PATZ1: variants seen among roughly 807,000 people sequenced by gnomAD.
PATZ1 encodes the protein POZ-, AT hook-, and zinc finger-containing protein 1.
PATZ1 carries 9 observed loss-of-function variants against 46.2 expected under a neutral mutation model. That is an observed-to-expected ratio of 0.19 (90% confidence interval 0.12 to 0.34). PATZ1 has a LOEUF of 0.34. Ranked by LOEUF, PATZ1 falls within the 10% of genes least tolerant of loss-of-function variation. PATZ1 has a pLI of 1.00. For missense variants in PATZ1, 632 were observed against 923.0 expected (o/e 0.68, Z 4.08); for synonymous variants, 426 against 378.6 (o/e 1.13, Z -1.45).
intron 2 of PATZ1, among the ~76,000 whole-genome samples, chr22:31,338,936 C>G (rs2049546311): frequency 6.6e-6 from 1 of 152,136 alleles, no homozygotes; most frequent in Admixed American, 6.5e-5. Context: ...GTAGTCCCAG[C>G]TACTCGGGGG....
chr22:31,332,214 G>A (rs1298362530), intron 3 of PATZ1, among the ~76,000 whole-genome samples: 2 of 152,192 alleles, frequency 1.3e-5, no homozygotes, highest in African/African-American at 2.4e-5. Context: ...ATGGCGGGGT[G>A]GTAGGAGTGG....
In PATZ1 at chr22:31,345,817, C is replaced by T. The variant is rs573648080; in HGVS notation, c.-215G>A. 1.4e-4 allele frequency: 66 copies of T among 462,826 alleles called. No individual in the cohort carries two copies. The highest frequency in any genetic ancestry group is 1.2e-3 in the African/African-American group (58 of 49,204). The allele number at this position is 462,826 out of a possible 1,614,324, so 28.7% of individuals were successfully genotyped here. On this transcript the variant is annotated 5_prime_UTR_variant, in exon 1 of 5. Coordinates refer to ENST00000266269, the MANE Select transcript of PATZ1 (RefSeq NM_014323.3). The surrounding 1 kb of genome is among the most constrained non-coding windows in gnomAD (Gnocchi z 7.4). ...TGCACCACCCCCCACATAGCCAACCCCCGCCCTCGCTGGACTGCGCGCCAC... is the reference window on the plus strand; with the variant it reads ...TGCACCACCCCCCACATAGCCAACCTCCGCCCTCGCTGGACTGCGCGCCAC...
chr22:31,341,525 T>C, intron 2 of PATZ1: 1 of 1,613,928 alleles, frequency 6.2e-7, no homozygotes, highest in Non-Finnish European at 8.5e-7. Context: ...GGCCCAGGTT[T>C]TCAAGGGCTG....
At position 31,345,544 on chromosome 22, in the gene PATZ1, C is replaced by A; in HGVS notation, c.59G>T (p.Ser20Ile). The part of the protein sequence containing the change: ...GPSGCYTYQV[S>I]RHSTEMLHNL... ...GTGCAGCATCTCCGTGCTGTGTCTG[C>A]TCACCTGGTATGTGTAGCAGCCAGA... Residue 20 changes from serine (S) to isoleucine (I), a missense_variant, in exon 1 of 5, where the codon AGC (serine) becomes ATC (isoleucine). Ser to Ile is a moderately radical substitution (Grantham distance 142, BLOSUM62 -2). Transcript: ENST00000266269. The surrounding 1 kb of genome is among the most constrained non-coding windows in gnomAD (Gnocchi z 7.4). The A allele has an allele frequency of 6.2e-7, 1 of 1,612,956 alleles. No individual in the cohort carries two copies. The highest frequency in any genetic ancestry group is 8.5e-7 in the Non-Finnish European group (1 of 1,179,658).
Position 31,345,047 on chromosome 22 carries a change from G to A in PATZ1, c.556C>T (p.Pro186Ser), listed in dbSNP as rs766857189. The part of the protein sequence containing the change: ...RPPGTSDLGF[P>S]LDMTNGAALA... ...GCTGCCCCGTTGGTCATGTCCAAAG[G>A]GAAGCCCAAGTCCGAGGTCCCAGGG... The change falls in exon 1 of 5, where the codon CCT becomes TCT. Residue 186 changes from proline to serine, a missense_variant. Coordinates refer to ENST00000266269, the MANE Select transcript of PATZ1 (RefSeq NM_014323.3). This position sits in a 1 kb window ranked among gnomAD's most constrained non-coding sequence, Gnocchi z 7.4. 8.7e-6 allele frequency: 14 copies of A among 1,614,040 alleles called. No individual in the cohort carries two copies. Among genetic ancestry groups the A allele is most frequent in the African/African-American group, 2.7e-5 (2 of 74,942 alleles).
At chr22:31,340,896 C>T (rs1296055500) in intron 2 of PATZ1, 2 of 1,065,288 alleles carry the variant, frequency 1.9e-6, no homozygotes, top group Middle Eastern at 4.2e-4. Context: ...ACTTCACTAG[C>T]CAGAAATGAA....
chr22:31,327,367 C>A lies in PATZ1; in HGVS notation c.1646-58G>T. On this transcript the variant is annotated intron_variant, in intron 4 of 4. Coordinates refer to ENST00000266269, the MANE Select transcript of PATZ1 (RefSeq NM_014323.3). This position sits in a 1 kb window ranked among gnomAD's most constrained non-coding sequence, Gnocchi z 4.2. ...GGCCAGGCTCTGGAGATGCCCCCTC[C>A]TGGAGGGGTCATGAGGGGCCAGCTC... is the stretch of plus-strand genomic sequence containing the variant. 6.9e-7 allele frequency: 1 copy of A among 1,455,174 alleles called. No homozygotes were observed. Among genetic ancestry groups the A allele is most frequent in the Non-Finnish European group, 9.4e-7 (1 of 1,062,306 alleles). 90.1% of individuals were successfully genotyped at this position (1,455,174 alleles called of 1,614,324 possible).
At chr22:31,334,537 T>C (rs2049484482) in intron 3 of PATZ1, among the ~76,000 whole-genome samples, 1 of 152,138 alleles carries the variant, frequency 6.6e-6, no homozygotes, top group African/African-American at 2.4e-5. Flanking sequence ...AGGAGTGTTG[T>C]GCCTGGTCCA....
intron 3 of PATZ1, among the ~76,000 whole-genome samples, chr22:31,332,748 C>T (rs1274873357): frequency 2.0e-5 from 3 of 152,238 alleles, no homozygotes; most frequent in East Asian, 1.9e-4. Context: ...GTGTGCTTAC[C>T]TCTGACTGGG....
intron 3 of PATZ1, among the ~76,000 whole-genome samples, chr22:31,332,693 G>C (rs1456849455): frequency 6.6e-6 from 1 of 152,240 alleles, no homozygotes; most frequent in Non-Finnish European, 1.5e-5. Flanking sequence ...TACATAGCTT[G>C]ATGTGAGTCC....
At chr22:31,342,449 T>C (rs1297658498) in intron 2 of PATZ1, among the ~76,000 whole-genome samples, 2 of 152,024 alleles carry the variant, frequency 1.3e-5, no homozygotes, top group Non-Finnish European at 2.9e-5. Context: ...GGAGGAGCTC[T>C]AACTGAGGTC....
intron 2 of PATZ1, among the ~76,000 whole-genome samples, chr22:31,338,369 G>A (rs2049538457): frequency 6.6e-6 from 1 of 152,232 alleles, no homozygotes; most frequent in Non-Finnish European, 1.5e-5. Context: ...ATAACACAGT[G>A]TACAGTACTT....
At position 31,345,594 on chromosome 22, in the gene PATZ1, C is replaced by G; in HGVS notation, c.9G>C (p.Arg3=). The G allele has an allele frequency of 3.8e-6, 6 of 1,591,498 alleles. No homozygotes were observed. In the South Asian group the frequency reaches 6.7e-5, roughly 18 times the overall value. Residue 3 remains arginine, a synonymous_variant, in exon 1 of 5, where the codon CGG becomes CGC. Transcript: ENST00000266269. The surrounding 1 kb of genome is among the most constrained non-coding windows in gnomAD (Gnocchi z 7.4). ME[R]VNDASCGPSG... is the part of the protein sequence containing the mutation. The stretch of plus-strand genomic sequence containing the variant: ...ACGGGCCGCACGAAGCGTCGTTCAC[C>G]CGCTCCATGGCCGCCGCCCCCTCCC...
chr22:31,328,725 C>T lies in PATZ1; in HGVS notation c.1645+62G>A. 3.2e-6 allele frequency: 5 copies of T among 1,541,780 alleles called. No individual in the cohort carries two copies. The highest frequency in any genetic ancestry group is 4.5e-6 in the Non-Finnish European group (5 of 1,117,202). Reference sequence around the variant, plus strand: ...AGCCTTCCCGCCTCCCCACGCCCAGCCCAGCGCCCCCACAACACAGTCTGC... The same window carrying T: ...AGCCTTCCCGCCTCCCCACGCCCAGTCCAGCGCCCCCACAACACAGTCTGC... On this transcript the variant is annotated intron_variant, in intron 4 of 4. Transcript: ENST00000266269. This position sits in a 1 kb window ranked among gnomAD's most constrained non-coding sequence, Gnocchi z 4.8.
rs1258274127 is a variant in PATZ1, at chr22:31,328,834, AGGATGG to A, written c.1592_1597del (p.Pro531_Ile532del). The A allele has an allele frequency of 6.2e-6, 10 of 1,613,666 alleles. No homozygotes were observed. The South Asian group carries it at 1.1e-4, about 18-fold the overall frequency. On this transcript the variant is annotated inframe_deletion, in exon 4 of 5. Coordinates refer to ENST00000266269, the MANE Select transcript of PATZ1 (RefSeq NM_014323.3). The surrounding 1 kb of genome is among the most constrained non-coding windows in gnomAD (Gnocchi z 4.8). ...GCAGTGGAACGCTGCTCCCCCATTC[AGGATGG>A]GCTCCTGGTGCCTGGAGACCTGGGG...
intron 3 of PATZ1, 123 bp from the exon 4 acceptor site, chr22:31,329,047 C>T: frequency 1.0e-6 from 1 of 984,582 alleles, no homozygotes; most frequent in Non-Finnish European, 1.5e-6. Context: ...TAGAAGGGGC[C>T]CCCTCCTGGC....
intron 3 of PATZ1, among the ~76,000 whole-genome samples, chr22:31,333,625 T>C (rs1465420794): frequency 6.6e-6 from 1 of 152,182 alleles, no homozygotes; most frequent in Non-Finnish European, 1.5e-5. Flanking sequence ...GCACCTTCTT[T>C]AGTCTTCTTG....
intron 2 of PATZ1, chr22:31,341,279 C>T: frequency 4.2e-6 from 6 of 1,430,962 alleles, no homozygotes; most frequent in Non-Finnish European, 4.6e-6. Flanking sequence ...GACTCCGAGT[C>T]ACCCAGGGAG....
At position 31,328,629 on chromosome 22, in the gene PATZ1, C is replaced by T. The variant is rs950222272; in HGVS notation, c.1645+158G>A. Among the ~76,000 whole-genome samples, 1 of 152,198 alleles carries T rather than the reference C, an allele frequency of 6.6e-6. No homozygotes were observed. The highest frequency in any genetic ancestry group is 2.4e-5 in the African/African-American group (1 of 41,462). On this transcript the variant is annotated intron_variant, in intron 4 of 4. Coordinates refer to ENST00000266269, the MANE Select transcript of PATZ1 (RefSeq NM_014323.3). The surrounding 1 kb of genome is among the most constrained non-coding windows in gnomAD (Gnocchi z 4.8). ...TCACTGCCCTGGAGTGAGATACCCA[C>T]TGTGACTTTTGTCCTGGAGGCCACT...
Sources: allele counts gnomAD v4.1 joint callset (sites outside exome capture counted in the v4.1 genomes callset), GRCh38; gene constraint gnomAD v4.1.1; non-coding constraint Gnocchi (gnomAD v3.1); transcripts MANE v1.5; gene names NCBI Gene and HGNC (gene_info 2026-07-23, HGNC 2026-07-21).